The following ZPBP variants were observed in gnomAD, a reference collection of about 807,000 sequenced individuals.
ZPBP encodes the protein zona pellucida-binding protein 1.
Under a neutral mutation model 44.8 loss-of-function variants are expected in ZPBP, and 26 were observed. The observed-to-expected ratio is 0.58, with a 90% CI of 0.43 to 0.81. The LOEUF (loss-of-function observed/expected upper bound fraction) is 0.81. ZPBP is among the 30% of genes least tolerant of loss of function. The pLI, the probability that ZPBP is intolerant of heterozygous loss-of-function variation, is 0.00. For missense variants in ZPBP, 409 were observed against 434.0 expected (o/e 0.94, Z 0.51); for synonymous variants, 174 against 153.2 (o/e 1.14, Z -1.00).
At chr7:49,981,317 TATAATATA>T (rs1796873422) in intron 7 of ZPBP, among the ~76,000 whole-genome samples, 1 of 62,526 alleles carries the variant, frequency 1.6e-5, no homozygotes, top group South Asian at 4.8e-4. Context: ...TTATATATTA[TATAATATA>T]TATTATAATT....
At chr7:49,850,884 C>T (rs946854554) in intron 2 of ZPBP, among the ~76,000 whole-genome samples, 2 of 152,218 alleles carry the variant, frequency 1.3e-5, no homozygotes, top group Non-Finnish European at 2.9e-5. Context: ...CTCAGGATGA[C>T]TCCCTGTGGA....
At chr7:50,015,549 T>C (rs1798783437) in intron 6 of ZPBP, among the ~76,000 whole-genome samples, 1 of 152,004 alleles carries the variant, frequency 6.6e-6, no homozygotes, top group Admixed American at 6.6e-5. Context: ...AAACCAAAAA[T>C]AGACAAATGG....
intron 2 of ZPBP, chr7:49,850,540 C>T (rs1010971562): frequency 7.2e-5 from 11 of 152,228 alleles, no homozygotes; most frequent in Non-Finnish European, 5.9e-5. Flanking sequence ...AGCATTAGCT[C>T]ACAGGTGCAT....
At chr7:49,841,050 G>T in the ZPBP span, among the ~76,000 whole-genome samples, 1 of 152,180 alleles carries the variant, frequency 6.6e-6, no homozygotes, top group Non-Finnish European at 1.5e-5. Flanking sequence ...GAAATATTTG[G>T]TCTTATTTGG....
chr7:49,961,508 C>T lies in ZPBP; in HGVS notation c.961+21834G>A, dbSNP rs867646264. Among the ~76,000 whole-genome samples, 12 of 152,168 alleles carry T rather than the reference C, an allele frequency of 7.9e-5. 1 individual carries two copies. Among genetic ancestry groups the T allele is most frequent in the Middle Eastern group, 6.8e-3 (2 of 294 alleles). ...CATAAGCAAAATACAGGGCAGGGGA[C>T]TTTTCTTGACCATTGTGATGCCTGC... is the stretch of plus-strand genomic sequence containing the variant. On this transcript the variant is annotated intron_variant, in intron 7 of 7. Coordinates refer to ENST00000046087, the MANE Select transcript of ZPBP (RefSeq NM_007009.3).
At chr7:50,046,930 T>G (rs1303954851) in intron 4 of ZPBP, among the ~76,000 whole-genome samples, 4 of 152,024 alleles carry the variant, frequency 2.6e-5, no homozygotes, top group Middle Eastern at 3.4e-3. Flanking sequence ...ATAAAGAAAA[T>G]GTGGCATACG....
At chr7:49,871,015 A>G (rs1791126439) in intron 2 of ZPBP, among the ~76,000 whole-genome samples, 1 of 152,230 alleles carries the variant, frequency 6.6e-6, no homozygotes, top group African/African-American at 2.4e-5. Flanking sequence ...TAAAAAATGC[A>G]AAACCATGAA....
In ZPBP at chr7:49,891,588, C is replaced by T. The variant is rs1583766661; in HGVS notation, n.509+9530G>A. Among the ~76,000 whole-genome samples the T allele has an allele frequency of 3.9e-5, 6 of 152,214 alleles. No homozygotes were observed. The South Asian group carries it at 1.2e-3, about 32-fold the overall frequency. ...CCACCATTCGATACTATTGCACATC[C>T]GCCAGGGTCGATAAAATATAACAAT... is the stretch of plus-strand genomic sequence containing the variant. On this transcript the variant is annotated intron_variant and non_coding_transcript_variant, in intron 2 of 2. Transcript: ENST00000465922.
chr7:49,919,992 A>G (rs1273051490), intron 1 of ZPBP: 1 of 152,194 alleles, frequency 6.6e-6, no homozygotes, highest in Non-Finnish European at 1.5e-5. Context: ...TGTGCCTTCT[A>G]TTGAAGCCAA....
At chr7:49,984,257 T>C (rs1797149413) in intron 6 of ZPBP, among the ~76,000 whole-genome samples, 1 of 152,188 alleles carries the variant, frequency 6.6e-6, no homozygotes, top group African/African-American at 2.4e-5. Context: ...GTCTACTGAG[T>C]TCTTCCAATA....
intron 3 of ZPBP, among the ~76,000 whole-genome samples, chr7:50,081,157 C>T (rs987562146): frequency 1.3e-4 from 19 of 151,498 alleles, no homozygotes; most frequent in Non-Finnish European, 2.5e-4. Flanking sequence ...ATAAAATAAG[C>T]CTGTAAGTTT....
chr7:49,937,121 T>C (rs1794645315), downstream of ZPBP, among the ~76,000 whole-genome samples: 1 of 152,230 alleles, frequency 6.6e-6, no homozygotes, highest in East Asian at 1.9e-4. Flanking sequence ...CTAGAATGAA[T>C]AAAATCCTAT....
intron 1 of ZPBP, among the ~76,000 whole-genome samples, chr7:49,925,962 C>G (rs1002245422): frequency 6.6e-6 from 1 of 152,226 alleles, no homozygotes; most frequent in African/African-American, 2.4e-5. Flanking sequence ...TTTGGTCTGT[C>G]AGCGAATGTA....
intron 2 of ZPBP, among the ~76,000 whole-genome samples, chr7:50,085,741 T>C (rs911979712): frequency 3.3e-5 from 5 of 152,100 alleles, no homozygotes; most frequent in Non-Finnish European, 7.4e-5. Flanking sequence ...CCTGATACAC[T>C]GAGCAACAAT....
chr7:49,877,187 C>A (rs536866533), intron 2 of ZPBP, among the ~76,000 whole-genome samples: 1 of 151,686 alleles, frequency 6.6e-6, no homozygotes, highest in Non-Finnish European at 1.5e-5. Context: ...TGGGGCCGGG[C>A]GTAATGGCTC....
At chr7:50,052,584 C>T (rs189329898) in intron 4 of ZPBP, among the ~76,000 whole-genome samples, 3 of 152,218 alleles carry the variant, frequency 2.0e-5, no homozygotes, top group East Asian at 3.9e-4. Flanking sequence ...ATATGATCAA[C>T]CAACTGCATT....
At chr7:50,029,301 G>C (rs765889975) in intron 5 of ZPBP, among the ~76,000 whole-genome samples, 2 of 152,116 alleles carry the variant, frequency 1.3e-5, no homozygotes, top group Admixed American at 6.6e-5. Context: ...TGAAGTATAA[G>C]GTTGAACCCA....
At chr7:49,949,590 GA>G (rs990018303) in intron 7 of ZPBP, among the ~76,000 whole-genome samples, 1 of 151,844 alleles carries the variant, frequency 6.6e-6, no homozygotes, top group African/African-American at 2.4e-5. Flanking sequence ...CATTTATAGA[GA>G]AAAAATGTAG....
chr7:50,054,122 C>T (rs2128827599), intron 4 of ZPBP, among the ~76,000 whole-genome samples: 1 of 152,148 alleles, frequency 6.6e-6, no homozygotes, highest in Admixed American at 6.5e-5. Flanking sequence ...AACTCCTGGC[C>T]ATAAGTGATC....
Sources: gnomAD v4.1 joint callset for allele counts (sites outside exome capture counted in the v4.1 genomes callset) on GRCh38, gnomAD v4.1.1 for gene constraint, MANE v1.5 for transcripts, NCBI Gene and HGNC (gene_info 2026-07-23, HGNC 2026-07-21) for gene names.